NRG3: variants seen among roughly 807,000 people sequenced by gnomAD.
NRG3 encodes the protein pro-neuregulin-3, membrane-bound isoform.
A neutral mutation model predicts 66.9 loss-of-function variants in NRG3; 31 were observed. The ratio of observed to expected loss-of-function variants is 0.46; its 90% CI spans 0.35 to 0.63. NRG3 has a LOEUF of 0.63. Ranked by LOEUF, NRG3 falls within the 20% of genes least tolerant of loss-of-function variation. The pLI is 0.00. For synonymous variants in NRG3, 393 were observed against 359.4 expected (o/e 1.09, Z -1.06); for missense variants, 910 against 878.9 (o/e 1.04, Z -0.45).
At chr10:82,310,861 T>G (rs2080988042) in intron 1 of NRG3, among the ~76,000 whole-genome samples, 1 of 152,174 alleles carries the variant, frequency 6.6e-6, no homozygotes, top group Non-Finnish European at 1.5e-5. Context: ...AGATGTCATA[T>G]GTAGGTAAAA....
At position 82,235,267 on chromosome 10, in the gene NRG3, A is replaced by C. The variant is rs923368008; in HGVS notation, c.824-123472A>C. Among the ~76,000 whole-genome samples the C allele has an allele frequency of 3.3e-5, 5 of 152,178 alleles. No homozygotes were observed. The East Asian group carries it at 9.6e-4, about 29-fold the overall frequency. On this transcript the variant is annotated intron_variant, in intron 1 of 8. Coordinates refer to ENST00000372141, the MANE Select transcript of NRG3 (RefSeq NM_001010848.4). Reference sequence around the variant, plus strand: ...AAATATTAGTACTGAGTTGATGGATATTGATGGTGGAGTTCACAAAGCTGA... The same window carrying C: ...AAATATTAGTACTGAGTTGATGGATCTTGATGGTGGAGTTCACAAAGCTGA...
intron 4 of NRG3, among the ~76,000 whole-genome samples, chr10:82,910,350 T>G (rs1198409913): frequency 6.6e-6 from 1 of 152,194 alleles, no homozygotes; most frequent in Non-Finnish European, 1.5e-5. Context: ...TGACTACAGC[T>G]AATGAACAGC....
At chr10:82,426,603 T>TGAA (rs2089458529) in intron 2 of NRG3, among the ~76,000 whole-genome samples, 1 of 19,268 alleles carries the variant, frequency 5.2e-5, no homozygotes, top group African/African-American at 3.9e-4. Flanking sequence ...ATGGAATTAT[T>TGAA]ATTATTATTA....
At position 82,618,362 on chromosome 10, in the gene NRG3, A is replaced by G. The variant is rs567081807; in HGVS notation, c.954-120215A>G. Among the ~76,000 whole-genome samples the G allele has an allele frequency of 2.4e-4, 37 of 152,248 alleles. 1 individual carries two copies. The South Asian group carries it at 5.4e-3, about 22-fold the overall frequency. On this transcript the variant is annotated intron_variant, in intron 2 of 8. Transcript: ENST00000372141. ...TATGCGGGGAGTTGGTCCAATAGTC[A>G]TTAGAAAATAGTCACAGGAGGACAA...
rs529027135 is a variant in NRG3 at position 82,685,140 on chromosome 10, C to A, written c.954-53437C>A. Among the ~76,000 whole-genome samples, 265 of 151,920 alleles carry A rather than the reference C, an allele frequency of 1.7e-3. 5 individuals are homozygous for A. The South Asian group carries it at 0.019, about 11-fold the overall frequency. The stretch of plus-strand genomic sequence containing the variant: ...GTAGATGGCCGAATAGACAGAGGCC[C>A]CCCCCAAAACTTAACCACACCCTCA... On this transcript the variant is annotated intron_variant, in intron 2 of 8. Coordinates refer to ENST00000372141, the MANE Select transcript of NRG3 (RefSeq NM_001010848.4).
At chr10:81,895,656 C>A (rs533521267) in intron 1 of NRG3, among the ~76,000 whole-genome samples, 1 of 152,034 alleles carries the variant, frequency 6.6e-6, no homozygotes, top group Non-Finnish European at 1.5e-5. Flanking sequence ...CATGTCCATG[C>A]GTGGGAGTGT....
intron 1 of NRG3, among the ~76,000 whole-genome samples, chr10:82,116,451 T>C (rs1381009663): frequency 6.6e-6 from 1 of 152,158 alleles, no homozygotes; most frequent in African/African-American, 2.4e-5. Context: ...TTAGAAACTA[T>C]GAATGCTTTC....
At chr10:82,586,469 C>T (rs1309698314) in intron 2 of NRG3, among the ~76,000 whole-genome samples, 1 of 151,966 alleles carries the variant, frequency 6.6e-6, no homozygotes, top group African/African-American at 2.4e-5. Context: ...AGTCTGGAAC[C>T]AGAATGCCTG....
chr10:82,411,663 A>T (rs1331321157), intron 2 of NRG3, among the ~76,000 whole-genome samples: 2 of 152,114 alleles, frequency 1.3e-5, no homozygotes, highest in Non-Finnish European at 2.9e-5. Context: ...ATTTACTCTG[A>T]GTTCTAAGTG....
At chr10:82,321,134 C>T (rs540486872) in intron 1 of NRG3, among the ~76,000 whole-genome samples, 20 of 152,318 alleles carry the variant, frequency 1.3e-4, no homozygotes, top group Middle Eastern at 3.4e-3. Context: ...CCCCCTGGGG[C>T]GTCAGTGGTT....
chr10:82,879,216 A>T (rs1842084532), intron 4 of NRG3, among the ~76,000 whole-genome samples: 2 of 152,186 alleles, frequency 1.3e-5, no homozygotes, highest in African/African-American at 4.8e-5. Context: ...TCTCCAGCCC[A>T]ATGCTTAGCA....
intron 1 of NRG3, among the ~76,000 whole-genome samples, chr10:82,167,564 ATTAC>A (rs1283356138): frequency 2.0e-5 from 3 of 152,032 alleles, no homozygotes; most frequent in Non-Finnish European, 4.4e-5. Context: ...GCACATTATT[ATTAC>A]TTATTATATT....
At chr10:82,463,413 C>G (rs1329455916) in intron 2 of NRG3, among the ~76,000 whole-genome samples, 1 of 152,188 alleles carries the variant, frequency 6.6e-6, no homozygotes, top group African/African-American at 2.4e-5. Flanking sequence ...CCTGAGGGCA[C>G]CACTGATGTT....
chr10:82,882,355 G>A (rs1842377543), intron 4 of NRG3, among the ~76,000 whole-genome samples: 1 of 152,178 alleles, frequency 6.6e-6, no homozygotes. Flanking sequence ...AGGTGAAGAT[G>A]AGGCTCTTCA....
intron 2 of NRG3, among the ~76,000 whole-genome samples, chr10:82,633,226 T>G (rs560869612): frequency 6.6e-6 from 1 of 152,192 alleles, no homozygotes; most frequent in Admixed American, 6.5e-5. Flanking sequence ...CACATATATA[T>G]GCTTAGTGGC....
chr10:82,296,796 T>TG (rs1477619248), intron 1 of NRG3, among the ~76,000 whole-genome samples: 3 of 152,144 alleles, frequency 2.0e-5, no homozygotes, highest in Admixed American at 2.0e-4. Flanking sequence ...TTTTTAGATT[T>TG]GGGGGATATA....
chr10:82,566,316 G>A lies in NRG3; in HGVS notation c.954-172261G>A, dbSNP rs150027845. Reference sequence around the variant, plus strand: ...GACTGTTCTTACTTTTTTGGGAGGTGGATGTATGCAATGTATTAAATATGG... The same window carrying A: ...GACTGTTCTTACTTTTTTGGGAGGTAGATGTATGCAATGTATTAAATATGG... On this transcript the variant is annotated intron_variant, in intron 2 of 8. Transcript: ENST00000372141. Among the ~76,000 whole-genome samples the A allele has an allele frequency of 7.1e-3, 1,082 of 151,944 alleles. 9 individuals are homozygous for A. The highest frequency in any genetic ancestry group is 0.061 in the Middle Eastern group (18 of 294).
chr10:82,463,402 G>C (rs2091613986), intron 2 of NRG3, among the ~76,000 whole-genome samples: 1 of 152,160 alleles, frequency 6.6e-6, no homozygotes, highest in Non-Finnish European at 1.5e-5. Context: ...CTCAATATAT[G>C]CCTGAGGGCA....
chr10:82,140,075 T>A (rs957236142), intron 1 of NRG3, among the ~76,000 whole-genome samples: 3 of 152,098 alleles, frequency 2.0e-5, no homozygotes, highest in African/African-American at 7.2e-5. Context: ...ACAAAAAAAA[T>A]GTTCATCAGG....
Sources: gnomAD v4.1 joint callset for allele counts (sites outside exome capture counted in the v4.1 genomes callset) on GRCh38, gnomAD v4.1.1 for gene constraint, MANE v1.5 for transcripts, NCBI Gene and HGNC (gene_info 2026-07-23, HGNC 2026-07-21) for gene names.